The following SLFN12L variants were observed in gnomAD, a reference collection of about 807,000 sequenced individuals.
The protein encoded by SLFN12L is schlafen family member 12 like, also known as schlafen family member 12-like.
SLFN12L carries 34 observed loss-of-function variants against 34.8 expected under a neutral mutation model. The observed-to-expected ratio is 0.98, with a 90% CI of 0.74 to 1.30. The LOEUF is 1.30. Ranked by LOEUF, SLFN12L falls within the 50% of genes most tolerant of loss-of-function variation. SLFN12L has a pLI of 0.00. For synonymous variants in SLFN12L, 259 were observed against 247.5 expected (o/e 1.05, Z -0.44); for missense variants, 703 against 696.2 (o/e 1.01, Z -0.11).
chr17:35,474,695 G>A lies in SLFN12L; in HGVS notation c.*228C>T. ...CTAGCACTTTGGGAGACCGGGGGGG[G>A]GGGTTGAATCACGAGGTCAGGAGTT... On this transcript the variant is annotated 3_prime_UTR_variant, in exon 5 of 5. Transcript: ENST00000628453. 2.6e-6 allele frequency: 1 copy of A among 377,560 alleles called. No individual in the cohort carries two copies. Among genetic ancestry groups the A allele is most frequent in the South Asian group, 2.8e-5 (1 of 35,346 alleles). The allele number at this position is 377,560 out of a possible 1,614,324, so 23.4% of individuals were successfully genotyped here.
At position 35,469,471 on chromosome 17, in the gene SLFN12L, A is replaced by G. The variant is rs1207707028; in HGVS notation, c.*5452T>C. Among the ~76,000 whole-genome samples the G allele has an allele frequency of 6.6e-6, 1 of 151,562 alleles. No homozygotes were observed. The highest frequency in any genetic ancestry group is 1.5e-5 in the Non-Finnish European group (1 of 67,932). On this transcript the variant is annotated 3_prime_UTR_variant, in exon 5 of 5. Coordinates refer to ENST00000628453, the MANE Select transcript of SLFN12L (RefSeq NM_001363830.2). ...CAAATGAAGAACTTAGTTATGGACC[A>G]GCCTACAAGGGCTCTTTATACTTCC...
At chr17:35,494,881 T>A (rs1014779220) in intron 2 of SLFN12L, among the ~76,000 whole-genome samples, 1 of 143,138 alleles carries the variant, frequency 7.0e-6, no homozygotes, top group Non-Finnish European at 1.5e-5. Flanking sequence ...ATTTTATTAA[T>A]TTATTTATTT....
intron 2 of SLFN12L, among the ~76,000 whole-genome samples, chr17:35,492,251 CAGA>C (rs1390032338): frequency 2.6e-5 from 4 of 152,164 alleles, no homozygotes; most frequent in African/African-American, 9.7e-5. Context: ...CTTCCATTCC[CAGA>C]AGGAGGAGCT....
Position 35,479,109 on chromosome 17 carries a change from T to C in SLFN12L, c.1165+8A>G, listed in dbSNP as rs1374235542. On this transcript the variant is annotated splice_region_variant and intron_variant, in intron 3 of 4. Coordinates refer to ENST00000628453, the MANE Select transcript of SLFN12L (RefSeq NM_001363830.2). ...AGGTATCCTTATTGCCAATCCTCCT[T>C]CCTCAACCTGGTTCTGAATCCACCA... 3 of 1,539,758 alleles carry C rather than the reference T, an allele frequency of 1.9e-6. No homozygotes were observed. The South Asian group carries it at 3.7e-5, about 19-fold the overall frequency.
At chr17:35,499,352 G>T (rs937207043) in intron 2 of SLFN12L, among the ~76,000 whole-genome samples, 1 of 152,076 alleles carries the variant, frequency 6.6e-6, no homozygotes, top group African/African-American at 2.4e-5. Flanking sequence ...CCTAACCTAA[G>T]GTGTAAAAAC....
rs186010054 is a variant in SLFN12L, at chr17:35,515,005, C to T, written c.86+7274G>A. 1.5e-3 allele frequency: 734 copies of T among 504,862 alleles called. 2 individuals are homozygous for T. The highest frequency in any genetic ancestry group is 6.3e-4 in the Middle Eastern group (1 of 1,578). The allele number at this position is 504,862 out of a possible 1,614,324, so 31.3% of individuals were successfully genotyped here. ...AAGAATTTCTGGACAGCTTCAGCAT[C>T]TTTAAGGTCAGCTAACTTGGAAAGC... On this transcript the variant is annotated intron_variant, in intron 2 of 4. Transcript: ENST00000628453.
intron 2 of SLFN12L, chr17:35,487,645 C>T: frequency 7.0e-7 from 1 of 1,427,448 alleles, no homozygotes; most frequent in Non-Finnish European, 9.5e-7. Flanking sequence ...TGAGGGATCA[C>T]GGAGAAGTTC....
intron 2 of SLFN12L, among the ~76,000 whole-genome samples, chr17:35,520,724 C>T (rs1015471791): frequency 1.5e-4 from 23 of 151,764 alleles, no homozygotes; most frequent in African/African-American, 5.3e-4. Context: ...CCAGCCTGGG[C>T]GACAGAGCAA....
At chr17:35,530,500 GAA>G (rs1393603293) in intron 1 of SLFN12L, among the ~76,000 whole-genome samples, 1 of 34,692 alleles carries the variant, frequency 2.9e-5, no homozygotes, top group African/African-American at 7.8e-5. Flanking sequence ...AAGAAAGAAA[GAA>G]AGAAAGAAAG....
chr17:35,512,193 C>T (rs1289741913), intron 2 of SLFN12L, among the ~76,000 whole-genome samples: 1 of 108,582 alleles, frequency 9.2e-6, no homozygotes, highest in Admixed American at 1.1e-4. Flanking sequence ...CTCGCTCTGT[C>T]GCCCAGGCTG....
intron 2 of SLFN12L, chr17:35,498,610 G>A (rs565264051): frequency 4.9e-4 from 786 of 1,610,302 alleles, no homozygotes; most frequent in Admixed American, 9.8e-4. Flanking sequence ...CAGAAAGCTA[G>A]CCAGAAGGGC....
At chr17:35,529,301 T>A (rs573115890) in intron 1 of SLFN12L, among the ~76,000 whole-genome samples, 6 of 152,288 alleles carry the variant, frequency 3.9e-5, no homozygotes, top group Non-Finnish European at 7.4e-5. Flanking sequence ...TCCTCAAGGA[T>A]CTGGAACCAG....
chr17:35,503,603 G>A (rs377308961), intron 2 of SLFN12L, among the ~76,000 whole-genome samples: 104 of 152,228 alleles, frequency 6.8e-4, no homozygotes, highest in African/African-American at 2.0e-3. Flanking sequence ...AGGAAATTTC[G>A]TAGTAGAAAG....
intron 3 of SLFN12L, 139 bp from the exon 4 acceptor site, chr17:35,478,324 T>A: frequency 1.8e-6 from 1 of 558,678 alleles, no homozygotes; most frequent in Non-Finnish European, 3.1e-6. Context: ...GATATTGTGG[T>A]TACATATTGT....
chr17:35,522,266 T>G lies in SLFN12L; in HGVS notation c.86+13A>C. 6.2e-7 allele frequency: 1 copy of G among 1,613,870 alleles called. No homozygotes were observed. Among genetic ancestry groups the G allele is most frequent in the Non-Finnish European group, 8.5e-7 (1 of 1,179,876 alleles). On this transcript the variant is annotated intron_variant, in intron 2 of 4. Coordinates refer to ENST00000628453, the MANE Select transcript of SLFN12L (RefSeq NM_001363830.2). The stretch of plus-strand genomic sequence containing the variant: ...TTAAATAATACTTAGAGACATAAGG[T>G]CCAACTGCTTACCTGATGAAATTCC...
intron 2 of SLFN12L, among the ~76,000 whole-genome samples, chr17:35,484,286 A>C (rs1160502880): frequency 1.3e-5 from 2 of 152,176 alleles, no homozygotes; most frequent in African/African-American, 4.8e-5. Context: ...ATTTCACCAT[A>C]GATCTAGGGA....
intron 2 of SLFN12L, chr17:35,490,469 G>A (rs1225295167): frequency 9.0e-6 from 9 of 997,336 alleles, no homozygotes; most frequent in Non-Finnish European, 1.5e-5. Flanking sequence ...CAAAATAGAA[G>A]GATTTATGAT....
Position 35,493,236 on chromosome 17 carries a change from A to C in SLFN12L, c.87-13041T>G, listed in dbSNP as rs558765728. Among the ~76,000 whole-genome samples the C allele has an allele frequency of 2.6e-5, 4 of 152,324 alleles. No homozygotes were observed. In the East Asian group the frequency reaches 7.7e-4, roughly 29 times the overall value. On this transcript the variant is annotated intron_variant, in intron 2 of 4. Coordinates refer to ENST00000628453, the MANE Select transcript of SLFN12L (RefSeq NM_001363830.2). ...ATGTCAGTGTGGTCCTAGAGGAAGC[A>C]TTGGGGTGGGGGAGGGAGAGGGAGC...
Position 35,467,112 on chromosome 17 carries a change from T to TAGTG in SLFN12L, c.*7807_*7810dup, listed in dbSNP as rs1913728719. 6.6e-6 allele frequency among the ~76,000 whole-genome samples: 1 copy of TAGTG among 152,136 alleles called. No individual in the cohort carries two copies. The highest frequency in any genetic ancestry group is 6.5e-5 in the Admixed American group (1 of 15,276). On this transcript the variant is annotated 3_prime_UTR_variant, in exon 5 of 5. Coordinates refer to ENST00000628453, the MANE Select transcript of SLFN12L (RefSeq NM_001363830.2). ...GTCCTTGGTCCCTTGCCAGATGCCA[T>TAGTG]AGTGCTGGAGGAGGTCACCTCTCCT...
Sources: gnomAD v4.1 joint callset for allele counts (sites outside exome capture counted in the v4.1 genomes callset) on GRCh38, gnomAD v4.1.1 for gene constraint, MANE v1.5 for transcripts, NCBI Gene and HGNC (gene_info 2026-07-23, HGNC 2026-07-21) for gene names.